The following PELI2 variants were observed in gnomAD, a reference collection of about 807,000 sequenced individuals.
PELI2 encodes pellino E3 ubiquitin protein ligase family member 2.
PELI2 carries 23 observed loss-of-function variants against 42.3 expected under a neutral mutation model. That is an observed-to-expected ratio of 0.54 (90% confidence interval 0.39 to 0.77). The LOEUF (loss-of-function observed/expected upper bound fraction) is 0.77. Ranked by LOEUF, PELI2 falls within the 30% of genes least tolerant of loss-of-function variation. PELI2 has a pLI of 0.00. For missense variants in PELI2, 463 were observed against 553.2 expected (o/e 0.84, Z 1.64); for synonymous variants, 245 against 212.2 (o/e 1.15, Z -1.34).
At chr14:56,259,995 T>C (rs1045233386) in intron 2 of PELI2, among the ~76,000 whole-genome samples, 3 of 152,160 alleles carry the variant, frequency 2.0e-5, no homozygotes, top group African/African-American at 7.2e-5. Context: ...ACGAACCATA[T>C]TTCTGGATAT....
At chr14:56,258,729 G>A (rs1888607846) in intron 2 of PELI2, among the ~76,000 whole-genome samples, 1 of 151,980 alleles carries the variant, frequency 6.6e-6, no homozygotes, top group Admixed American at 6.6e-5. Flanking sequence ...GTAAATTGTG[G>A]GTATATATCA....
In PELI2 at chr14:56,297,220, C is replaced by A; in HGVS notation, c.*54C>A. 7.8e-7 allele frequency: 1 copy of A among 1,277,260 alleles called. No homozygotes were observed. The highest frequency in any genetic ancestry group is 1.3e-5 in the South Asian group (1 of 74,788). 79.1% of individuals were successfully genotyped at this position (1,277,260 alleles called of 1,614,324 possible). On this transcript the variant is annotated 3_prime_UTR_variant, in exon 6 of 6. Transcript: ENST00000267460. Reference sequence around the variant, plus strand: ...TAACAGGTTACTGTGAAGATTTTGCCACTAACTCTAGATTTTACCTTTTTG... The same window carrying A: ...TAACAGGTTACTGTGAAGATTTTGCAACTAACTCTAGATTTTACCTTTTTG...
chr14:56,213,611 G>A (rs1021177973), intron 2 of PELI2, among the ~76,000 whole-genome samples: 4 of 152,190 alleles, frequency 2.6e-5, no homozygotes, highest in Non-Finnish European at 5.9e-5. Context: ...AAGAATGGTG[G>A]TGGTGGTGTT....
chr14:56,144,644 C>T (rs1400323821), intron 1 of PELI2, among the ~76,000 whole-genome samples: 1 of 152,102 alleles, frequency 6.6e-6, no homozygotes, highest in African/African-American at 2.4e-5. Flanking sequence ...AATATAGTTA[C>T]AAAATTGCTA....
At chr14:56,278,751 A>C (rs1481771816) in intron 2 of PELI2, among the ~76,000 whole-genome samples, 1 of 152,158 alleles carries the variant, frequency 6.6e-6, no homozygotes, top group Non-Finnish European at 1.5e-5. Context: ...TTTCTTCTAG[A>C]TGCTTTCTTG....
At chr14:56,184,211 T>C (rs1324122891) in intron 2 of PELI2, among the ~76,000 whole-genome samples, 1 of 152,094 alleles carries the variant, frequency 6.6e-6, no homozygotes, top group East Asian at 1.9e-4. Context: ...TTACATGATA[T>C]ACTAACCAAT....
At chr14:56,199,113 C>T (rs913879332) in intron 2 of PELI2, among the ~76,000 whole-genome samples, 2 of 152,092 alleles carry the variant, frequency 1.3e-5, no homozygotes, top group African/African-American at 4.8e-5. Flanking sequence ...TTCCCCCTTC[C>T]TCCTACAAGA....
intron 1 of PELI2, among the ~76,000 whole-genome samples, chr14:56,147,849 C>T (rs762482880): frequency 1.3e-4 from 20 of 152,166 alleles, no homozygotes; most frequent in Non-Finnish European, 1.2e-4. Flanking sequence ...TATGTTATTA[C>T]CCATGTGGCG....
intron 2 of PELI2, among the ~76,000 whole-genome samples, chr14:56,274,658 T>C (rs941351550): frequency 6.6e-6 from 1 of 152,182 alleles, no homozygotes; most frequent in Non-Finnish European, 1.5e-5. Context: ...AGTTTTGAGT[T>C]GTAAGTTGAA....
chr14:56,171,911 G>A (rs1885183851), intron 1 of PELI2, among the ~76,000 whole-genome samples: 1 of 152,134 alleles, frequency 6.6e-6, no homozygotes, highest in South Asian at 2.1e-4. Flanking sequence ...TGTTACTCGG[G>A]AGGCTGAGGC....
chr14:56,151,581 G>C (rs1884360128), intron 1 of PELI2, among the ~76,000 whole-genome samples: 1 of 152,190 alleles, frequency 6.6e-6, no homozygotes, highest in South Asian at 2.1e-4. Context: ...CTCTGCTGCT[G>C]CGTAGCTCCG....
intron 2 of PELI2, among the ~76,000 whole-genome samples, chr14:56,206,770 G>T (rs865917573): frequency 1.5e-4 from 23 of 151,740 alleles, no homozygotes; most frequent in African/African-American, 4.4e-4. Flanking sequence ...TTTCCTCTTG[G>T]TTTATGGCTC....
At chr14:56,261,529 G>T (rs927204631) in intron 2 of PELI2, among the ~76,000 whole-genome samples, 3 of 152,100 alleles carry the variant, frequency 2.0e-5, no homozygotes, top group Non-Finnish European at 4.4e-5. Context: ...GATTACAAAA[G>T]TCCATATAAA....
At chr14:56,160,462 C>T (rs1566612603) in intron 1 of PELI2, among the ~76,000 whole-genome samples, 1 of 152,078 alleles carries the variant, frequency 6.6e-6, no homozygotes, top group African/African-American at 2.4e-5. Flanking sequence ...TACATAAATA[C>T]AGGAAGAACA....
intron 1 of PELI2, among the ~76,000 whole-genome samples, chr14:56,145,310 C>T (rs1884074156): frequency 6.6e-6 from 1 of 152,152 alleles, no homozygotes; most frequent in African/African-American, 2.4e-5. Context: ...TAGAAACCAC[C>T]CCCATGATCC....
intron 1 of PELI2, among the ~76,000 whole-genome samples, chr14:56,126,628 C>T (rs567812239): frequency 4.3e-4 from 65 of 152,274 alleles, no homozygotes; most frequent in African/African-American, 1.5e-3. Flanking sequence ...TCGGTGGCCC[C>T]CCTCCTTTCC....
intron 2 of PELI2, among the ~76,000 whole-genome samples, chr14:56,212,151 T>G (rs1318127124): frequency 6.6e-6 from 1 of 152,024 alleles, no homozygotes; most frequent in African/African-American, 2.4e-5. Flanking sequence ...AGAGACCCCG[T>G]TTTCTTAGGA....
At chr14:56,191,459 C>T (rs2139688283) in intron 2 of PELI2, among the ~76,000 whole-genome samples, 1 of 152,326 alleles carries the variant, frequency 6.6e-6, no homozygotes, top group East Asian at 1.9e-4. Context: ...ATGAACCACA[C>T]AGTGATACCG....
Position 56,127,554 on chromosome 14 carries a change from G to T in PELI2, c.77+8817G>T, listed in dbSNP as rs375475623. On this transcript the variant is annotated intron_variant, in intron 1 of 5. Transcript: ENST00000267460. ...TCTGTGTTGGTGAGAAGCAAGCCAA[G>T]GCAGAAGATGGCTCTTGTGTGGTGC... Among the ~76,000 whole-genome samples the T allele has an allele frequency of 1.3e-3, 191 of 152,298 alleles. 2 individuals are homozygous for T. The highest frequency in any genetic ancestry group is 4.2e-3 in the African/African-American group (173 of 41,564).
Sources: allele counts gnomAD v4.1 joint callset (sites outside exome capture counted in the v4.1 genomes callset), GRCh38; gene constraint gnomAD v4.1.1; transcripts MANE v1.5; gene names NCBI Gene and HGNC (gene_info 2026-07-23, HGNC 2026-07-21).